COL27A1: variants seen among roughly 807,000 people sequenced by gnomAD.
The protein encoded by COL27A1 is collagen type XXVII alpha 1 chain, also known as collagen alpha-1(XXVII) chain.
In COL27A1, 106 loss-of-function variants were observed where a neutral mutation model predicts 251.3. The ratio of observed to expected loss-of-function variants is 0.42; its 90% CI spans 0.36 to 0.50. COL27A1 has a LOEUF of 0.50. Ranked by LOEUF, COL27A1 falls within the 20% of genes least tolerant of loss-of-function variation. The pLI, the probability that COL27A1 is intolerant of heterozygous loss-of-function variation, is 0.00. For missense variants in COL27A1, 2,325 were observed against 2,522.8 expected (o/e 0.92, Z 1.68); for synonymous variants, 1,000 against 986.3 (o/e 1.01, Z -0.26).
chr9:114,301,944 C>A, intron 55 of COL27A1, 138 bp from the exon 56 acceptor site: 1 of 988,854 alleles, frequency 1.0e-6, no homozygotes, highest in Non-Finnish European at 1.6e-6. Context: ...CCCACTGGGG[C>A]CCACCAAGCC....
chr9:114,177,854 T>C (rs1827591681), intron 3 of COL27A1, among the ~76,000 whole-genome samples: 2 of 152,196 alleles, frequency 1.3e-5, no homozygotes, highest in African/African-American at 4.8e-5. Context: ...TTTCTGGCTG[T>C]TTTATTTTAT....
intron 24 of COL27A1, among the ~76,000 whole-genome samples, chr9:114,246,949 T>C (rs1204732082): frequency 6.6e-6 from 1 of 151,658 alleles, no homozygotes; most frequent in East Asian, 1.9e-4. Flanking sequence ...GAAATAGATA[T>C]GCAGGGTCTT....
intron 5 of COL27A1, among the ~76,000 whole-genome samples, chr9:114,193,394 C>T (rs1828884463): frequency 6.6e-6 from 1 of 152,098 alleles, no homozygotes; most frequent in African/African-American, 2.4e-5. Flanking sequence ...CAGGGACTGT[C>T]CCCTATGCTA....
At chr9:114,295,746 C>G (rs1452326988) in intron 49 of COL27A1, among the ~76,000 whole-genome samples, 1 of 152,166 alleles carries the variant, frequency 6.6e-6, no homozygotes, top group East Asian at 1.9e-4. Context: ...CAACCTCCGC[C>G]TCCAGGATTC....
At chr9:114,214,231 G>T (rs1378608290) in intron 12 of COL27A1, among the ~76,000 whole-genome samples, 1 of 152,158 alleles carries the variant, frequency 6.6e-6, no homozygotes, top group Non-Finnish European at 1.5e-5. Flanking sequence ...AGGGTTGGGG[G>T]CTCCTGTCGT....
chr9:114,194,766 T>C (rs74771762), intron 6 of COL27A1, among the ~76,000 whole-genome samples: 4,498 of 152,320 alleles, frequency 0.03, 197 homozygotes, highest in African/African-American at 0.091. Flanking sequence ...TGCATGGCTT[T>C]CTGCGGGGTC....
At chr9:114,261,864 C>G (rs894343978) in intron 28 of COL27A1, among the ~76,000 whole-genome samples, 1 of 152,214 alleles carries the variant, frequency 6.6e-6, no homozygotes, top group African/African-American at 2.4e-5. Flanking sequence ...CTGTTTCTGT[C>G]CCTGTGAAAG....
intron 14 of COL27A1, among the ~76,000 whole-genome samples, chr9:114,230,436 A>G (rs1831863783): frequency 6.6e-6 from 1 of 152,174 alleles, no homozygotes; most frequent in Non-Finnish European, 1.5e-5. Flanking sequence ...ACACCCGCAA[A>G]GAGAACTTGG....
intron 2 of COL27A1, among the ~76,000 whole-genome samples, chr9:114,166,376 C>CATCT (rs1462500973): frequency 1.3e-5 from 2 of 150,144 alleles, no homozygotes; most frequent in African/African-American, 4.9e-5. Context: ...TCAATCCATC[C>CATCT]ATCCATCCAT....
At chr9:114,209,447 G>A (rs1471602419) in intron 10 of COL27A1, 3 of 770,430 alleles carry the variant, frequency 3.9e-6, no homozygotes, top group Non-Finnish European at 7.3e-6. Context: ...CTGGCGTGAG[G>A]GTATGTGCCT....
chr9:114,292,187 G>A lies in COL27A1; in HGVS notation c.4561G>A (p.Glu1521Lys), dbSNP rs1164929312. 6.4e-7 allele frequency: 1 copy of A among 1,556,494 alleles called. No individual in the cohort carries two copies. ...AACGGGGCTCCCTGGAAACCAGGGG[G>A]AGCCTGGGTCCAAAGGCCAGCCGGT... is the stretch of plus-strand genomic sequence containing the variant. ...GRTGLPGNQG[E>K]PGSKGQPGDS... The change falls in exon 49 of 61, where the codon GAG becomes AAG. Residue 1521 changes from glutamate (E) to lysine (K), a missense_variant. By Grantham distance (56) the Glu-to-Lys change is moderately conservative (BLOSUM62 1). Around this residue, in one of 4 missense-constraint regions of COL27A1, gnomAD observed 153 missense variants for 140.7 expected, o/e 1.09. Coordinates refer to ENST00000356083, the MANE Select transcript of COL27A1 (RefSeq NM_032888.4).
chr9:114,185,744 G>A (rs115604468), intron 5 of COL27A1, among the ~76,000 whole-genome samples: 280 of 152,336 alleles, frequency 1.8e-3, no homozygotes, highest in African/African-American at 6.5e-3. Context: ...GTCAACAAAC[G>A]TGTATTGAGC....
chr9:114,266,005 G>C (rs1323826524), intron 32 of COL27A1, among the ~76,000 whole-genome samples: 1 of 152,178 alleles, frequency 6.6e-6, no homozygotes, highest in African/African-American at 2.4e-5. Flanking sequence ...AGATGTCCCT[G>C]GGAGGACAGG....
Position 114,208,301 on chromosome 9 carries a change from C to T in COL27A1, c.2269-1374C>T, listed in dbSNP as rs144121541. Among the ~76,000 whole-genome samples, 26 of 152,118 alleles carry T rather than the reference C, an allele frequency of 1.7e-4. No homozygotes were observed. The East Asian group carries it at 2.7e-3, about 16-fold the overall frequency. ...AAAGTAACTACAAAAATTAGCTGGG[C>T]GTGGTGGTGCACACCTGTGATCACC... is the stretch of plus-strand genomic sequence containing the variant. On this transcript the variant is annotated intron_variant, in intron 10 of 60. Transcript: ENST00000356083.
chr9:114,262,244 C>G (rs1241574987), intron 28 of COL27A1, among the ~76,000 whole-genome samples: 1 of 152,186 alleles, frequency 6.6e-6, no homozygotes, highest in East Asian at 1.9e-4. Flanking sequence ...CGTGGTGTGA[C>G]AGTGTCCACG....
intron 57 of COL27A1, 55 bp downstream of exon 57, chr9:114,304,728 G>C: frequency 6.7e-7 from 1 of 1,490,766 alleles, no homozygotes; most frequent in Non-Finnish European, 9.4e-7. Flanking sequence ...AACGCAAATA[G>C]ATAATGGCCC....
chr9:114,289,256 C>T lies in COL27A1; in HGVS notation c.4167C>T (p.Pro1389=). ...GQQGQPGHPG[P]RGWPGPKGSK... is the part of the protein sequence containing the mutation. ...TTGGTTTGCAGGGGCATCCGGGACC[C>T]CGGGGGTGGCCGGGACCCAAAGGAT... The change falls in exon 45 of 61, where the codon CCC becomes CCT. Residue 1389 remains proline (P), a synonymous_variant. Coordinates refer to ENST00000356083, the MANE Select transcript of COL27A1 (RefSeq NM_032888.4). The T allele has an allele frequency of 4.4e-6, 7 of 1,594,426 alleles. No individual in the cohort carries two copies. Among genetic ancestry groups the T allele is most frequent in the Non-Finnish European group, 6.0e-6 (7 of 1,171,990 alleles).
intron 4 of COL27A1, among the ~76,000 whole-genome samples, chr9:114,182,206 T>A (rs55726356): frequency 0.55 from 77,260 of 139,624 alleles, 22,103 homozygotes; most frequent in East Asian, 0.73. Context: ...ATAAAAATAA[T>A]AAAATAAAAA....
intron 41 of COL27A1, among the ~76,000 whole-genome samples, chr9:114,288,005 C>T (rs919778571): frequency 4.6e-5 from 7 of 152,286 alleles, no homozygotes; most frequent in African/African-American, 1.2e-4. Flanking sequence ...TACTCCCTGC[C>T]GGGCGTCGCG....
Sources: allele counts gnomAD v4.1 joint callset (sites outside exome capture counted in the v4.1 genomes callset), GRCh38; gene constraint gnomAD v4.1.1; regional missense constraint gnomAD v4.1.1; transcripts MANE v1.5; gene names NCBI Gene and HGNC (gene_info 2026-07-23, HGNC 2026-07-21).